The following OSBPL10 variants were observed in gnomAD, a reference collection of about 807,000 sequenced individuals.
OSBPL10 encodes oxysterol binding protein like 10.
OSBPL10 carries 49 observed loss-of-function variants against 81.7 expected under a neutral mutation model. The observed-to-expected ratio is 0.60, with a 90% CI of 0.48 to 0.76. The LOEUF (loss-of-function observed/expected upper bound fraction) is 0.76, where lower values mean the gene tolerates loss of function less well. Among genes scored for constraint, OSBPL10 ranks in the 30% least tolerant of loss-of-function variants. OSBPL10 has a pLI of 0.00. For synonymous variants in OSBPL10, 419 were observed against 383.6 expected (o/e 1.09, Z -1.08); for missense variants, 923 against 987.8 (o/e 0.93, Z 0.88).
Position 31,783,788 on chromosome 3 carries a change from TTAAAA to T in OSBPL10, c.730-35673_730-35669del, listed in dbSNP as rs1225830010. Reference sequence around the variant, plus strand: ...ACTGGGTGACAGAGCAAGACTCCGATTAAAAAAAAAAAAAAAAAAAAAAAAAAAAA... The same window carrying T: ...ACTGGGTGACAGAGCAAGACTCCGATAAAAAAAAAAAAAAAAAAAAAAAAA... On this transcript the variant is annotated intron_variant, in intron 4 of 11. Transcript: ENST00000396556. Among the ~76,000 whole-genome samples, 87 of 18,822 alleles carry T rather than the reference TTAAAA, an allele frequency of 4.6e-3. 5 individuals are homozygous for T. The highest frequency in any genetic ancestry group is 8.5e-3 in the Admixed American group (8 of 942). 12.3% of individuals were successfully genotyped at this position (18,822 alleles called of 152,430 possible). A position where few individuals can be genotyped will look rare whatever the true frequency, so the allele number is the denominator to read the frequency against.
intron 2 of OSBPL10, chr3:31,988,925 C>A: frequency 9.9e-7 from 1 of 1,009,928 alleles, no homozygotes. Flanking sequence ...CCTCCAAACC[C>A]CGACCCACAG....
chr3:31,880,038 G>T (rs1695513591), intron 1 of OSBPL10, among the ~76,000 whole-genome samples: 2 of 152,158 alleles, frequency 1.3e-5, no homozygotes, highest in Non-Finnish European at 2.9e-5. Flanking sequence ...CTCATAATGG[G>T]GCACTTGTGG....
At chr3:31,664,497 A>C in intron 10 of OSBPL10, 1 of 564,788 alleles carries the variant, frequency 1.8e-6, no homozygotes, top group South Asian at 2.2e-5. Flanking sequence ...CAAATCTAAT[A>C]GTAGTAGTTG....
intron 4 of OSBPL10, among the ~76,000 whole-genome samples, chr3:31,764,898 T>C (rs191587532): frequency 6.6e-6 from 1 of 152,350 alleles, no homozygotes; most frequent in East Asian, 1.9e-4. Flanking sequence ...TCAATTTTTA[T>C]TCCTTCTTCG....
chr3:31,820,446 T>G (rs147533594), intron 4 of OSBPL10, among the ~76,000 whole-genome samples: 98 of 151,704 alleles, frequency 6.5e-4, no homozygotes, highest in African/African-American at 2.1e-3. Context: ...AATAGAAAAA[T>G]TAGCCGGGTG....
intron 1 of OSBPL10, among the ~76,000 whole-genome samples, chr3:31,924,562 C>G (rs1387421879): frequency 6.6e-6 from 1 of 152,174 alleles, no homozygotes; most frequent in South Asian, 2.1e-4. Context: ...AATAGATGCA[C>G]TAAAATCAGC....
chr3:32,047,640 T>G (rs1294033145), intron 1 of OSBPL10, among the ~76,000 whole-genome samples: 1 of 151,850 alleles, frequency 6.6e-6, no homozygotes. Flanking sequence ...TTGGCCTGCA[T>G]CTTTACTACA....
intron 1 of OSBPL10, among the ~76,000 whole-genome samples, chr3:31,955,989 A>C (rs1267694265): frequency 1.3e-5 from 2 of 152,218 alleles, no homozygotes; most frequent in African/African-American, 4.8e-5. Flanking sequence ...CCTAAGGCAG[A>C]AGTGGGTTAT....
intron 4 of OSBPL10, among the ~76,000 whole-genome samples, chr3:31,756,029 G>A (rs1023704314): frequency 3.9e-5 from 6 of 152,126 alleles, no homozygotes; most frequent in African/African-American, 9.7e-5. Context: ...GGAGGAAACC[G>A]TTACTGAGAT....
chr3:31,952,942 T>C (rs1163014400), intron 1 of OSBPL10, among the ~76,000 whole-genome samples: 9 of 149,492 alleles, frequency 6.0e-5, no homozygotes, highest in African/African-American at 2.0e-4. Context: ...TTTTTTTTTT[T>C]TTTTTTTTGA....
At chr3:31,947,791 G>A (rs1479040220) in intron 1 of OSBPL10, among the ~76,000 whole-genome samples, 1 of 151,872 alleles carries the variant, frequency 6.6e-6, no homozygotes, top group Non-Finnish European at 1.5e-5. Flanking sequence ...AGAGCCTGAT[G>A]TGGCGACTCC....
At chr3:32,067,200 C>A (rs1699787034) in intron 1 of OSBPL10, among the ~76,000 whole-genome samples, 1 of 151,848 alleles carries the variant, frequency 6.6e-6, no homozygotes, top group Admixed American at 6.6e-5. Context: ...GATCTAAAAC[C>A]CATTTAGATC....
chr3:31,905,729 G>A (rs1426261299), intron 1 of OSBPL10, among the ~76,000 whole-genome samples: 1 of 151,448 alleles, frequency 6.6e-6, no homozygotes, highest in Non-Finnish European at 1.5e-5. Flanking sequence ...AAACATCACT[G>A]AATTCTAAGC....
At chr3:31,683,508 C>G (rs549723389) in intron 8 of OSBPL10, 126 bp downstream of exon 8, 94 of 1,394,938 alleles carry the variant, frequency 6.7e-5, no homozygotes, top group Admixed American at 4.1e-4. Context: ...ACCACCCACA[C>G]TCTAATTCCA....
chr3:31,797,703 T>C (rs983545123), intron 4 of OSBPL10: 5 of 420,804 alleles, frequency 1.2e-5, no homozygotes, highest in Non-Finnish European at 2.4e-5. Context: ...TTTTTATATG[T>C]ACCATGATAT....
chr3:31,812,209 T>A (rs1377696291), intron 4 of OSBPL10, among the ~76,000 whole-genome samples: 1 of 152,036 alleles, frequency 6.6e-6, no homozygotes, highest in Non-Finnish European at 1.5e-5. Context: ...TTTTTGTACT[T>A]TTAGTAGTGA....
At chr3:31,878,851 A>ATGTGTG (rs1559502522) in intron 2 of OSBPL10, among the ~76,000 whole-genome samples, 29 of 115,780 alleles carry the variant, frequency 2.5e-4, no homozygotes, top group Non-Finnish European at 4.1e-4. Context: ...GTGTGTGTGC[A>ATGTGTG]TGCACTTGTG....
At chr3:31,770,080 T>C (rs1404402408) in intron 4 of OSBPL10, among the ~76,000 whole-genome samples, 1 of 152,134 alleles carries the variant, frequency 6.6e-6, no homozygotes, top group Non-Finnish European at 1.5e-5. Context: ...TGGTCAAAGA[T>C]AAAGCAATCA....
At chr3:31,721,878 A>G (rs1052853964) in intron 6 of OSBPL10, among the ~76,000 whole-genome samples, 1 of 152,248 alleles carries the variant, frequency 6.6e-6, no homozygotes, top group Non-Finnish European at 1.5e-5. Context: ...TAACATTTTC[A>G]TCAGGACATA....
Sources: gnomAD v4.1 joint callset for allele counts (sites outside exome capture counted in the v4.1 genomes callset) on GRCh38, gnomAD v4.1.1 for gene constraint, MANE v1.5 for transcripts, NCBI Gene and HGNC (gene_info 2026-07-23, HGNC 2026-07-21) for gene names.